The following EXOC4 variants were observed in gnomAD, a reference collection of about 807,000 sequenced individuals.
EXOC4 encodes the protein exocyst complex component 4.
In EXOC4, 71 loss-of-function variants were observed where a neutral mutation model predicts 107.2. The observed-to-expected ratio is 0.66, with a 90% CI of 0.55 to 0.81. The LOEUF (loss-of-function observed/expected upper bound fraction) is 0.81. Ranked by LOEUF, EXOC4 falls within the 30% of genes least tolerant of loss-of-function variation. The pLI is 0.00. For missense variants in EXOC4, 1,108 were observed against 1,189.6 expected (o/e 0.93, Z 1.01); for synonymous variants, 456 against 441.2 (o/e 1.03, Z -0.42).
chr7:134,011,373 CCT>C (rs1168559800), intron 17 of EXOC4, among the ~76,000 whole-genome samples: 2 of 152,124 alleles, frequency 1.3e-5, no homozygotes, highest in Non-Finnish European at 2.9e-5. Context: ...CCAGTTCTCC[CCT>C]CTTTACCCCA....
intron 10 of EXOC4, among the ~76,000 whole-genome samples, chr7:133,736,868 T>C (rs1795455020): frequency 6.6e-6 from 1 of 152,216 alleles, no homozygotes; most frequent in African/African-American, 2.4e-5. Flanking sequence ...ACAAACTGCC[T>C]TCTGGACACC....
At chr7:133,345,214 C>T (rs1378923181) in intron 5 of EXOC4, among the ~76,000 whole-genome samples, 1 of 152,186 alleles carries the variant, frequency 6.6e-6, no homozygotes, top group Non-Finnish European at 1.5e-5. Context: ...GCTACACATA[C>T]TATCTCCATT....
chr7:133,826,614 G>C (rs896309585), intron 11 of EXOC4, among the ~76,000 whole-genome samples: 11 of 152,038 alleles, frequency 7.2e-5, no homozygotes, highest in African/African-American at 2.7e-4. Flanking sequence ...ATTATTATTA[G>C]TGGTCCACAT....
At chr7:133,487,390 T>C (rs1267580795) in intron 9 of EXOC4, among the ~76,000 whole-genome samples, 1 of 152,208 alleles carries the variant, frequency 6.6e-6, no homozygotes, top group Non-Finnish European at 1.5e-5. Flanking sequence ...TTTCTCTACA[T>C]TTATATTATA....
intron 10 of EXOC4, among the ~76,000 whole-genome samples, chr7:133,698,595 A>G (rs142100473): frequency 8.6e-5 from 13 of 151,890 alleles, no homozygotes; most frequent in Non-Finnish European, 1.3e-4. Context: ...AAAATATAGA[A>G]GATGCGATGC....
At chr7:133,708,291 T>C (rs1794812076) in intron 10 of EXOC4, among the ~76,000 whole-genome samples, 1 of 152,196 alleles carries the variant, frequency 6.6e-6, no homozygotes, top group Non-Finnish European at 1.5e-5. Flanking sequence ...TTGTTGAGTT[T>C]GTGATGCTGA....
chr7:134,040,395 C>T (rs1795487388), intron 17 of EXOC4, among the ~76,000 whole-genome samples: 1 of 152,158 alleles, frequency 6.6e-6, no homozygotes, highest in African/African-American at 2.4e-5. Flanking sequence ...ACGGTGCAAC[C>T]TCCATGCCTT....
intron 10 of EXOC4, among the ~76,000 whole-genome samples, chr7:133,804,183 G>A (rs1271172373): frequency 6.6e-6 from 1 of 152,160 alleles, no homozygotes; most frequent in Non-Finnish European, 1.5e-5. Context: ...TGTAGATACT[G>A]TTCAGGCAAA....
chr7:133,707,370 G>A (rs541817587), intron 10 of EXOC4, among the ~76,000 whole-genome samples: 3 of 151,652 alleles, frequency 2.0e-5, no homozygotes, highest in East Asian at 3.9e-4. Flanking sequence ...GTGACAGAGT[G>A]AGGCTTTTTA....
intron 11 of EXOC4, among the ~76,000 whole-genome samples, chr7:133,889,469 T>C (rs112669404): frequency 0.1 from 14,840 of 148,712 alleles, 791 homozygotes; most frequent in Middle Eastern, 0.14. Flanking sequence ...ATGTGCACAT[T>C]GTGCAGGTTA....
At chr7:133,295,473 G>A (rs527430655) in intron 3 of EXOC4, among the ~76,000 whole-genome samples, 2 of 152,150 alleles carry the variant, frequency 1.3e-5, no homozygotes, top group Non-Finnish European at 2.9e-5. Flanking sequence ...AAGTATCCAA[G>A]ATGAGCTTGT....
At chr7:133,751,366 G>T (rs558474074) in intron 10 of EXOC4, among the ~76,000 whole-genome samples, 1 of 151,996 alleles carries the variant, frequency 6.6e-6, no homozygotes, top group Non-Finnish European at 1.5e-5. Context: ...AAAATTTTGG[G>T]GCTGGGAAGG....
intron 9 of EXOC4, chr7:133,480,643 TTGTAAGC>T (rs1445613674): frequency 6.4e-6 from 1 of 155,420 alleles, no homozygotes; most frequent in Non-Finnish European, 1.4e-5. Context: ...TACCAAAGAG[TTGTAAGC>T]TGAAGAAGAA....
At chr7:133,664,269 A>G (rs1353819631) in intron 10 of EXOC4, among the ~76,000 whole-genome samples, 2 of 152,090 alleles carry the variant, frequency 1.3e-5, no homozygotes, top group African/African-American at 4.8e-5. Context: ...TAAGTTCCAA[A>G]TGGGCAGGGA....
In EXOC4 at chr7:133,376,962, C is replaced by T. The variant is rs150706530; in HGVS notation, c.1182+1960C>T. Among the ~76,000 whole-genome samples, 267 of 152,284 alleles carry T rather than the reference C, an allele frequency of 1.8e-3. 1 individual carries two copies. The highest frequency in any genetic ancestry group is 6.0e-3 in the African/African-American group (250 of 41,572). On this transcript the variant is annotated intron_variant, in intron 7 of 17. Coordinates refer to ENST00000253861, the MANE Select transcript of EXOC4 (RefSeq NM_021807.4). ...AATTCAGTTTCTCAATAACAAAGCA[C>T]CTGCAATGTCTAGCATAGAATTATT...
At chr7:133,474,468 C>T (rs961862993) in intron 7 of EXOC4, among the ~76,000 whole-genome samples, 8 of 148,808 alleles carry the variant, frequency 5.4e-5, no homozygotes, top group African/African-American at 2.0e-4. Context: ...CCATCATGCC[C>T]AGCCAATTTT....
At chr7:134,034,517 C>T (rs983028474) in intron 17 of EXOC4, among the ~76,000 whole-genome samples, 36 of 152,128 alleles carry the variant, frequency 2.4e-4, no homozygotes, top group Non-Finnish European at 4.7e-4. Context: ...ATGTTTTTCT[C>T]GTGATAGTGA....
At chr7:133,648,659 C>G (rs1803053387) in intron 10 of EXOC4, among the ~76,000 whole-genome samples, 1 of 152,120 alleles carries the variant, frequency 6.6e-6, no homozygotes, top group Non-Finnish European at 1.5e-5. Context: ...CTTAGTCTTA[C>G]ATGAGGAGGA....
chr7:133,586,623 T>A (rs886998929), intron 9 of EXOC4, among the ~76,000 whole-genome samples: 1 of 152,216 alleles, frequency 6.6e-6, no homozygotes, highest in African/African-American at 2.4e-5. Flanking sequence ...TTATATTCTT[T>A]CGGGTATATA....
Sources: gnomAD v4.1 joint callset for allele counts (sites outside exome capture counted in the v4.1 genomes callset) on GRCh38, gnomAD v4.1.1 for gene constraint, MANE v1.5 for transcripts, NCBI Gene and HGNC (gene_info 2026-07-23, HGNC 2026-07-21) for gene names.